The following SGCA variants were observed in gnomAD, a reference collection of about 807,000 sequenced individuals.
SGCA encodes the protein alpha-sarcoglycan.
SGCA carries 34 observed loss-of-function variants against 38.1 expected under a neutral mutation model. The ratio of observed to expected loss-of-function variants is 0.89; its 90% CI spans 0.68 to 1.19. SGCA has a LOEUF of 1.19. Ranked by LOEUF, SGCA falls within the 50% of genes most tolerant of loss-of-function variation. SGCA has a pLI of 0.00. For missense variants in SGCA, 476 were observed against 524.9 expected (o/e 0.91, Z 0.91); for synonymous variants, 209 against 214.6 (o/e 0.97, Z 0.23).
chr17:50,169,712 A>C, intron 6 of SGCA: 1 of 337,880 alleles, frequency 3.0e-6, no homozygotes, highest in Non-Finnish European at 5.6e-6. Context: ...TTGGATACTG[A>C]GCTGAGGTTC....
In SGCA at chr17:50,167,170, C is replaced by G. The variant is rs12939159; in HGVS notation, c.38-198C>G. ...GTGGGAGAGGTTCTCCCTCGAATCC[C>G]GAAACCCAGACGATTAAAATGTCTA... On this transcript the variant is annotated intron_variant, in intron 1 of 9. Coordinates refer to ENST00000262018, the MANE Select transcript of SGCA (RefSeq NM_000023.4). This position sits in a 1 kb window ranked among gnomAD's most constrained non-coding sequence, Gnocchi z 4.5. Among the ~76,000 whole-genome samples, 17,867 of 152,058 alleles carry G rather than the reference C, an allele frequency of 0.12. 1,551 individuals carry two copies. The highest frequency in any genetic ancestry group is 0.49 in the East Asian group (2,493 of 5,132).
intron 8 of SGCA, chr17:50,171,813 T>C (rs1905434765): frequency 2.2e-6 from 1 of 456,658 alleles, no homozygotes; most frequent in Non-Finnish European, 4.4e-6. Context: ...ACAGCCTTCT[T>C]CAGGGTGGCC....
At chr17:50,169,047 C>T in intron 5 of SGCA, 45 bp from the exon 6 acceptor site, 1 of 1,581,476 alleles carries the variant, frequency 6.3e-7, no homozygotes, top group Non-Finnish European at 8.7e-7. Context: ...GTGCCTCGTG[C>T]CCCCTGCCCC....
Position 50,167,502 on chromosome 17 carries a change from A to G in SGCA, c.157+15A>G, listed in dbSNP as rs1904996843. ...TGAGCATGTCGGTGAGCGGCCTGAC[A>G]GGCACCCAGGCGGGCGGGCTGGGGT... On this transcript the variant is annotated intron_variant, in intron 2 of 9. Transcript: ENST00000262018. This position sits in a 1 kb window ranked among gnomAD's most constrained non-coding sequence, Gnocchi z 4.5. 3 of 1,614,002 alleles carry G rather than the reference A, an allele frequency of 1.9e-6. No homozygotes were observed. The highest frequency in any genetic ancestry group is 1.7e-6 in the Non-Finnish European group (2 of 1,180,016).
intron 1 of SGCA, among the ~76,000 whole-genome samples, chr17:50,166,729 A>ACCCACACCCT (rs1904850898): frequency 1.0e-5 from 1 of 99,004 alleles, no homozygotes; most frequent in Non-Finnish European, 2.0e-5. Flanking sequence ...ACACACCCTC[A>ACCCACACCCT]CACACACCCT....
intron 8 of SGCA, chr17:50,172,135 T>C (rs887338833): frequency 2.2e-6 from 1 of 456,576 alleles, no homozygotes; most frequent in African/African-American, 2.0e-5. Flanking sequence ...CGGTTCCTGG[T>C]CCTCGCTGAG....
rs150771690 is a variant in SGCA at position 50,170,114 on chromosome 17, C to T, written c.748-29C>T. ...GACCTCTGTGTCCAGCCAGCCACTT[C>T]CTGCGTCAGCCCTGAGCTCTCTGTG... On this transcript the variant is annotated intron_variant, in intron 6 of 9. Transcript: ENST00000262018. 36 of 1,604,752 alleles carry T rather than the reference C, an allele frequency of 2.2e-5. No homozygotes were observed. The East Asian group carries it at 7.1e-4, about 32-fold the overall frequency.
At position 50,167,623 on chromosome 17, in the gene SGCA, C is replaced by G. The variant is rs753180048; in HGVS notation, c.199C>G (p.Gln67Glu). 1.5e-5 allele frequency: 24 copies of G among 1,613,760 alleles called. No individual in the cohort carries two copies. The highest frequency in any genetic ancestry group is 1.6e-4 in the Middle Eastern group (1 of 6,084). Residue 67 changes from glutamine (Q) to glutamate (E), a missense_variant, in exon 3 of 10, where the codon CAG becomes GAG. Physicochemically the swap from Gln to Glu is conservative, Grantham distance 29. Transcript: ENST00000262018. This position sits in a 1 kb window ranked among gnomAD's most constrained non-coding sequence, Gnocchi z 4.5. ...AVHITYHAHL[Q>E]GHPDLPRWLR... Reference sequence around the variant, plus strand: ...CCACATCACCTACCACGCCCACCTCCAGGGACACCCAGACCTGCCCCGGTG... The same window carrying G: ...CCACATCACCTACCACGCCCACCTCGAGGGACACCCAGACCTGCCCCGGTG...
At position 50,170,629 on chromosome 17, in the gene SGCA, C is replaced by G. The variant is rs1391089933; in HGVS notation, c.957-11C>G. 1.8e-5 allele frequency: 28 copies of G among 1,559,762 alleles called. No individual in the cohort carries two copies. The highest frequency in any genetic ancestry group is 2.4e-5 in the Non-Finnish European group (28 of 1,150,756). On this transcript the variant is annotated splice_polypyrimidine_tract_variant and intron_variant, in intron 7 of 9. Transcript: ENST00000262018. ...AGAGCTGGGCTAACCCTCTCCTTCA[C>G]TTTTCCACAGGCTGAAGAGAGACCT...
Position 50,167,043 on chromosome 17 carries a change from C to G in SGCA, c.38-325C>G. Among the ~76,000 whole-genome samples, 1 of 140,842 alleles carries G rather than the reference C, an allele frequency of 7.1e-6. No individual in the cohort carries two copies. The highest frequency in any genetic ancestry group is 1.6e-5 in the Non-Finnish European group (1 of 64,480). 92.4% of individuals were successfully genotyped at this position (140,842 alleles called of 152,430 possible). Reference sequence around the variant, plus strand: ...TTCACACACACACCCCCCCACATCCCCTCACACACACACACACCCTCACAC... The same window carrying G: ...TTCACACACACACCCCCCCACATCCGCTCACACACACACACACCCTCACAC... On this transcript the variant is annotated intron_variant, in intron 1 of 9. Transcript: ENST00000262018. This position sits in a 1 kb window ranked among gnomAD's most constrained non-coding sequence, Gnocchi z 4.5.
chr17:50,170,052 C>T (rs1437710873), intron 6 of SGCA, 91 bp from the exon 7 acceptor site: 41 of 1,090,222 alleles, frequency 3.8e-5, no homozygotes, highest in Non-Finnish European at 5.2e-5. Flanking sequence ...CTTTGTGTCT[C>T]CTGCCTCCTA....
Position 50,166,082 on chromosome 17 carries a change from G to C in SGCA, c.37+5G>C, listed in dbSNP as rs1408854399. ...TCTGGACTCCTCTCCTCGTGGGCAA[G>C]TTGGGGCCTTGTTCAGCGGGGAGGC... On this transcript the variant is annotated splice_donor_5th_base_variant and intron_variant, in intron 1 of 9. Coordinates refer to ENST00000262018, the MANE Select transcript of SGCA (RefSeq NM_000023.4). The C allele has an allele frequency of 6.2e-7, 1 of 1,613,066 alleles. No individual in the cohort carries two copies. Among genetic ancestry groups the C allele is most frequent in the Admixed American group, 1.7e-5 (1 of 60,016 alleles).
rs151305009 is a variant in SGCA at position 50,171,559 on chromosome 17, C to T, written c.983+893C>T. 3.9e-3 allele frequency: 1,769 copies of T among 456,820 alleles called. 22 individuals carry two copies. The highest frequency in any genetic ancestry group is 0.03 in the African/African-American group (1,502 of 50,200). The allele number at this position is 456,820 out of a possible 1,614,324, so 28.3% of individuals were successfully genotyped here. On this transcript the variant is annotated intron_variant, in intron 8 of 9. Transcript: ENST00000262018. ...CACCCTTCGAACCCCCTTGATAAGCCGCTTGTGCCCCTGTTTGGAGCCCAG... is the reference window on the plus strand; with the variant it reads ...CACCCTTCGAACCCCCTTGATAAGCTGCTTGTGCCCCTGTTTGGAGCCCAG...
At chr17:50,174,236 G>A (rs8075369) in intron 8 of SGCA, among the ~76,000 whole-genome samples, 10,100 of 152,166 alleles carry the variant, frequency 0.066, 483 homozygotes, top group African/African-American at 0.14. Flanking sequence ...CAGGAGTATC[G>A]CTTGAGCCCA....
chr17:50,174,941 C>T (rs1444546108), intron 8 of SGCA, among the ~76,000 whole-genome samples: 2 of 151,984 alleles, frequency 1.3e-5, no homozygotes, highest in Non-Finnish European at 2.9e-5. Flanking sequence ...TACAGGTGCC[C>T]ACCACCACAC....
At position 50,169,197 on chromosome 17, in the gene SGCA, G is replaced by A. The variant is rs139454982; in HGVS notation, c.690G>A (p.Leu230=). Residue 230 remains leucine, a synonymous_variant, in exon 6 of 10, where the codon CTG becomes CTA. Transcript: ENST00000262018. ...GTGCCCAGGGCCAGCCTCCACTTCT[G>A]TCTTGCTACGACACCTTGGCACCCC... is the stretch of plus-strand genomic sequence containing the variant. ...ARCAQGQPPL[L]SCYDTLAPHF... 1.9e-6 allele frequency: 3 copies of A among 1,614,008 alleles called. No homozygotes were observed. Among genetic ancestry groups the A allele is most frequent in the Non-Finnish European group, 2.5e-6 (3 of 1,179,980 alleles).
rs148431038 is a variant in SGCA at position 50,167,272 on chromosome 17, C to T, written c.38-96C>T. ...AGCAAAGGAAGCGCTTCTCTCGGTC[C>T]CTTAGGGGCTCCAAGGACTTGGTGG... On this transcript the variant is annotated intron_variant, in intron 1 of 9. Coordinates refer to ENST00000262018, the MANE Select transcript of SGCA (RefSeq NM_000023.4). The surrounding 1 kb of genome is among the most constrained non-coding windows in gnomAD (Gnocchi z 4.5). 15,727 of 1,574,434 alleles carry T rather than the reference C, an allele frequency of 1.0e-2. 136 individuals are homozygous for T. The highest frequency in any genetic ancestry group is 0.027 in the Middle Eastern group (152 of 5,610).
At chr17:50,168,235 G>T in intron 4 of SGCA, 139 bp from the exon 5 acceptor site, 1 of 837,486 alleles carries the variant, frequency 1.2e-6, no homozygotes, top group Non-Finnish European at 1.9e-6. Context: ...ATTGGGACTT[G>T]GCTTGTTGGG....
chr17:50,169,320 C>A lies in SGCA; in HGVS notation c.747+66C>A, dbSNP rs768186538. The A allele has an allele frequency of 5.8e-6, 8 of 1,382,488 alleles. No individual in the cohort carries two copies. In the African/African-American group the frequency reaches 1.0e-4, roughly 17 times the overall value. The allele number at this position is 1,382,488 out of a possible 1,614,324, so 85.6% of individuals were successfully genotyped here. A position where few individuals can be genotyped will look rare whatever the true frequency, so the allele number is the denominator to read the frequency against. On this transcript the variant is annotated intron_variant, in intron 6 of 9. Transcript: ENST00000262018. Reference sequence around the variant, plus strand: ...GCCCCCATCCCAGTCCCCCTTCCCTCCCATGCTGCTTCCTATCTCCGTCTC... The same window carrying A: ...GCCCCCATCCCAGTCCCCCTTCCCTACCATGCTGCTTCCTATCTCCGTCTC...
Sources: allele counts gnomAD v4.1 joint callset (sites outside exome capture counted in the v4.1 genomes callset), GRCh38; gene constraint gnomAD v4.1.1; non-coding constraint Gnocchi (gnomAD v3.1); transcripts MANE v1.5; gene names NCBI Gene and HGNC (gene_info 2026-07-23, HGNC 2026-07-21).